The following CNTNAP2 variants were observed in gnomAD, a reference collection of about 807,000 sequenced individuals.
CNTNAP2 encodes contactin associated protein 2.
Under a neutral mutation model 155.2 loss-of-function variants are expected in CNTNAP2, and 98 were observed. The ratio of observed to expected loss-of-function variants is 0.63; its 90% CI spans 0.54 to 0.75. The LOEUF (loss-of-function observed/expected upper bound fraction) is 0.75, where lower values mean the gene tolerates loss of function less well. Among genes scored for constraint, CNTNAP2 ranks in the 30% least tolerant of loss-of-function variants. The probability of loss-of-function intolerance (pLI) is 0.00; values close to 1 mark genes in which losing one functional copy is unlikely to be tolerated. For missense variants in CNTNAP2, 1,727 were observed against 1,688.1 expected, an observed-to-expected ratio of 1.02 and a Z score of -0.40; for synonymous variants, 651 against 631.2, an observed-to-expected ratio of 1.03 and a Z score of -0.47.
intron 13 of CNTNAP2, among the ~76,000 whole-genome samples, chr7:147,656,392 G>T (rs1365995560): frequency 1.3e-5 from 2 of 152,194 alleles, no homozygotes; most frequent in African/African-American, 2.4e-5. Flanking sequence ...TAAGCTTAAT[G>T]ATGTCTAGCT....
rs549390950 is a variant in CNTNAP2, at chr7:146,294,489, C to T, written c.97+177516C>T. Among the ~76,000 whole-genome samples, 4 of 152,288 alleles carry T rather than the reference C, an allele frequency of 2.6e-5. No homozygotes were observed. The South Asian group carries it at 8.3e-4, about 32-fold the overall frequency. ...CAAACAGCTTTCTGCTTATGCAAAC[C>T]TTGTGTGGTCGTTGTGTTAACTAAT... On this transcript the variant is annotated intron_variant, in intron 1 of 23. Transcript: ENST00000361727.
intron 1 of CNTNAP2, among the ~76,000 whole-genome samples, chr7:146,752,734 G>C (rs1002802431): frequency 6.6e-6 from 1 of 152,136 alleles, no homozygotes; most frequent in Non-Finnish European, 1.5e-5. Flanking sequence ...TTTTCTTCCA[G>C]AGTTTTTATA....
chr7:147,822,712 A>G (rs1457378304), intron 13 of CNTNAP2, among the ~76,000 whole-genome samples: 1 of 152,136 alleles, frequency 6.6e-6, no homozygotes. Flanking sequence ...TACTGCCACT[A>G]ATAGGATGCC....
intron 1 of CNTNAP2, among the ~76,000 whole-genome samples, chr7:146,358,596 G>T (rs1457034137): frequency 2.0e-5 from 3 of 152,164 alleles, no homozygotes; most frequent in East Asian, 3.9e-4. Context: ...GTTGAGGAAA[G>T]ATCGTATTAA....
At chr7:147,885,318 C>T (rs903498665) in intron 13 of CNTNAP2, among the ~76,000 whole-genome samples, 1 of 152,112 alleles carries the variant, frequency 6.6e-6, no homozygotes, top group Non-Finnish European at 1.5e-5. Context: ...GTTAAGAAAC[C>T]AAACTCAGCT....
At chr7:147,011,418 CAAAAAAAAAA>C (rs759844476) in intron 3 of CNTNAP2, among the ~76,000 whole-genome samples, 413 of 13,252 alleles carry the variant, frequency 0.031, 5 homozygotes, top group Middle Eastern at 0.17. Flanking sequence ...CACTCCATCT[CAAAAAAAAAA>C]AAAAAAAAAA....
chr7:147,876,274 T>A (rs1231886033), intron 13 of CNTNAP2, among the ~76,000 whole-genome samples: 1 of 152,202 alleles, frequency 6.6e-6, no homozygotes, highest in African/African-American at 2.4e-5. Context: ...TGTATTGGGC[T>A]TTTTTCTTAT....
rs143804897 is a variant in CNTNAP2, at chr7:147,653,884, T to G, written c.2098+14578T>G. ...AGCCTACCTAGAAACCAAACATATT[T>G]TATTTTGTTTTTATTTCAAAATCTC... On this transcript the variant is annotated intron_variant, in intron 13 of 23. Transcript: ENST00000361727. 3.9e-3 allele frequency among the ~76,000 whole-genome samples: 590 copies of G among 152,360 alleles called. 2 individuals carry two copies. Among genetic ancestry groups the G allele is most frequent in the African/African-American group, 0.014 (564 of 41,590 alleles).
At chr7:147,375,680 T>A (rs1184367550) in intron 9 of CNTNAP2, among the ~76,000 whole-genome samples, 1 of 152,058 alleles carries the variant, frequency 6.6e-6, no homozygotes, top group Admixed American at 6.6e-5. Flanking sequence ...CAGATACCTC[T>A]CCCCACAAGT....
chr7:146,621,982 C>T (rs1799325835), intron 1 of CNTNAP2, among the ~76,000 whole-genome samples: 1 of 152,022 alleles, frequency 6.6e-6, no homozygotes, highest in Non-Finnish European at 1.5e-5. Flanking sequence ...TACCTTGTTT[C>T]TCTTTTTAAT....
rs371189043 is a variant in CNTNAP2, at chr7:146,582,312, C to A, written c.98-191959C>A. Among the ~76,000 whole-genome samples, 9 of 152,236 alleles carry A rather than the reference C, an allele frequency of 5.9e-5. No individual in the cohort carries two copies. The East Asian group carries it at 1.7e-3, about 29-fold the overall frequency. ...CTCTTTCTGTTACTGTGCTATATTA[C>A]ACAAAAACAACTGGTTGGGTTTTCT... On this transcript the variant is annotated intron_variant, in intron 1 of 23. Transcript: ENST00000361727.
At chr7:146,673,673 C>T (rs1800347280) in intron 1 of CNTNAP2, among the ~76,000 whole-genome samples, 1 of 152,198 alleles carries the variant, frequency 6.6e-6, no homozygotes. Context: ...TGCCTCACTT[C>T]CGTTTTCTCT....
intron 1 of CNTNAP2, among the ~76,000 whole-genome samples, chr7:146,453,131 C>T (rs549597153): frequency 2.6e-5 from 4 of 152,230 alleles, no homozygotes; most frequent in South Asian, 4.2e-4. Flanking sequence ...TGCACAGAAA[C>T]GATGTTCCAG....
intron 12 of CNTNAP2, among the ~76,000 whole-genome samples, chr7:147,583,522 AT>A (rs1201033948): frequency 6.8e-6 from 1 of 146,118 alleles, no homozygotes; most frequent in African/African-American, 2.5e-5. Flanking sequence ...ATATATATAT[AT>A]ATATATATAA....
intron 8 of CNTNAP2, among the ~76,000 whole-genome samples, chr7:147,229,640 C>T (rs1803632625): frequency 6.6e-6 from 1 of 152,150 alleles, no homozygotes; most frequent in South Asian, 2.1e-4. Flanking sequence ...ATGTTTTACT[C>T]AAGCTTAGTG....
chr7:147,740,460 G>A (rs1016425386), intron 13 of CNTNAP2, among the ~76,000 whole-genome samples: 8 of 152,118 alleles, frequency 5.3e-5, no homozygotes, highest in Non-Finnish European at 1.0e-4. Context: ...GGCTTGGTGC[G>A]AGAAATTACC....
chr7:146,879,092 A>G (rs1795486490), intron 3 of CNTNAP2, among the ~76,000 whole-genome samples: 1 of 152,190 alleles, frequency 6.6e-6, no homozygotes, highest in Non-Finnish European at 1.5e-5. Flanking sequence ...ATGAAATATA[A>G]TGGAAAGCAG....
intron 19 of CNTNAP2, among the ~76,000 whole-genome samples, chr7:148,226,423 A>G (rs1795849978): frequency 6.6e-6 from 1 of 151,912 alleles, no homozygotes; most frequent in Non-Finnish European, 1.5e-5. Flanking sequence ...GGCAGTTGCT[A>G]AACTGTCTCT....
At chr7:147,823,271 C>T (rs1441514356) in intron 13 of CNTNAP2, among the ~76,000 whole-genome samples, 1 of 152,192 alleles carries the variant, frequency 6.6e-6, no homozygotes, top group African/African-American at 2.4e-5. Context: ...AGCTGCCCTG[C>T]TGCTAAAAGC....
Sources: allele counts gnomAD v4.1 joint callset (sites outside exome capture counted in the v4.1 genomes callset), GRCh38; gene constraint gnomAD v4.1.1; transcripts MANE v1.5; gene names NCBI Gene and HGNC (gene_info 2026-07-23, HGNC 2026-07-21).